EGFL6: variants seen among roughly 807,000 people sequenced by gnomAD.
EGFL6 encodes the protein EGF like domain multiple 6, also known as epidermal growth factor-like protein 6.
A neutral mutation model predicts 43.1 loss-of-function variants in EGFL6; 42 were observed. The ratio of observed to expected loss-of-function variants is 0.98; its 90% CI spans 0.76 to 1.26. The LOEUF (loss-of-function observed/expected upper bound fraction) is 1.26. Among genes scored for constraint, EGFL6 ranks in the 50% most tolerant of loss-of-function variants. The probability of loss-of-function intolerance (pLI) is 0.00; values close to 1 mark genes in which losing one functional copy is unlikely to be tolerated. For synonymous variants in EGFL6, 164 were observed against 163.2 expected (o/e 1.01, Z -0.04); for missense variants, 429 against 427.8 (o/e 1.00, Z -0.02).
At chrX:13,625,816 T>C (rs2045775758) in intron 10 of EGFL6, among the ~76,000 whole-genome samples, 1 of 104,423 alleles carries the variant, frequency 9.6e-6, no homozygotes, top group Non-Finnish European at 1.9e-5. Flanking sequence ...GGCCCAGGCA[T>C]TTGAGGCTAT....
At position 13,633,297 on chromosome X, in the gene EGFL6, C is replaced by A. The variant is rs975437120; in HGVS notation, c.*202C>A. 2.6e-5 allele frequency: 9 copies of A among 345,575 alleles called. No individual in the cohort carries two copies. The highest frequency in any genetic ancestry group is 2.5e-4 in the African/African-American group (9 of 36,472). 28.5% of individuals were successfully genotyped at this position (345,575 alleles called of 1,213,427 possible). The stretch of plus-strand genomic sequence containing the variant: ...TATCACTGTATCTTCTCAGTCATTT[C>A]TGAATCTTTCCACATTATATTATAA... On this transcript the variant is annotated 3_prime_UTR_variant, in exon 12 of 12. Transcript: ENST00000361306.
chrX:13,593,682 G>C (rs1346940941), intron 2 of EGFL6, among the ~76,000 whole-genome samples: 3 of 112,114 alleles, frequency 2.7e-5, no homozygotes, highest in East Asian at 5.6e-4. Context: ...GTTCCCATTA[G>C]CTAGATAGAT....
intron 3 of EGFL6, among the ~76,000 whole-genome samples, chrX:13,595,369 A>G (rs1271475377): frequency 8.9e-6 from 1 of 112,076 alleles, no homozygotes; most frequent in Non-Finnish European, 1.9e-5. Context: ...AGTTTTTACT[A>G]TAAGCATAGT....
chrX:13,621,426 T>C (rs1471651604), intron 9 of EGFL6, among the ~76,000 whole-genome samples: 1 of 111,926 alleles, frequency 8.9e-6, no homozygotes, highest in Non-Finnish European at 1.9e-5. Flanking sequence ...GATTCCTTGG[T>C]GCTCCTGGCC....
chrX:13,608,556 T>A, intron 7 of EGFL6, 110 bp downstream of exon 7: 1 of 928,507 alleles, frequency 1.1e-6, no homozygotes, highest in African/African-American at 1.9e-5. Flanking sequence ...GCCTTCTCCC[T>A]CTCCCTTACT....
chrX:13,616,185 A>G (rs2045716688), intron 7 of EGFL6, among the ~76,000 whole-genome samples: 1 of 112,474 alleles, frequency 8.9e-6, no homozygotes, highest in Admixed American at 9.4e-5. Flanking sequence ...CTGAATTATC[A>G]TGAGTATATC....
Position 13,569,694 on chromosome X carries a change from G to T in EGFL6, c.-168G>T. 4.5e-6 allele frequency: 2 copies of T among 448,848 alleles called. No homozygotes were observed. Among genetic ancestry groups the T allele is most frequent in the Non-Finnish European group, 3.6e-6 (1 of 274,473 alleles). The allele number at this position is 448,848 out of a possible 1,213,427, so 37.0% of individuals were successfully genotyped here. ...CCCAGGCCGCGAGCGCCCCTGCCGC[G>T]GTGCCTGGCCTCCCCTCCCAGACTG... On this transcript the variant is annotated 5_prime_UTR_variant, in exon 1 of 12. Coordinates refer to ENST00000361306, the MANE Select transcript of EGFL6 (RefSeq NM_015507.4).
At chrX:13,579,606 T>C (rs2045493940) in intron 1 of EGFL6, among the ~76,000 whole-genome samples, 1 of 111,895 alleles carries the variant, frequency 8.9e-6, no homozygotes, top group Non-Finnish European at 1.9e-5. Context: ...TTTGGATATA[T>C]ACCCAGAAAT....
At chrX:13,616,886 G>T (rs766958085) in intron 7 of EGFL6, among the ~76,000 whole-genome samples, 2 of 94,603 alleles carry the variant, frequency 2.1e-5, no homozygotes, top group African/African-American at 4.2e-5. Context: ...TTTTTGAGAC[G>T]GAGTCTCGCT....
chrX:13,594,366 T>C (rs2045584592), intron 2 of EGFL6, among the ~76,000 whole-genome samples: 1 of 112,076 alleles, frequency 8.9e-6, no homozygotes, highest in South Asian at 3.7e-4. Flanking sequence ...CTCATCATCA[T>C]CATGATGCTT....
chrX:13,613,018 G>A (rs766643435), intron 7 of EGFL6, among the ~76,000 whole-genome samples: 1,323 of 108,678 alleles, frequency 0.012, 17 homozygotes, highest in African/African-American at 0.042. Flanking sequence ...GGTGGTGTGC[G>A]CCTGTAGTCC....
At chrX:13,573,013 T>A (rs2045451320) in intron 1 of EGFL6, among the ~76,000 whole-genome samples, 1 of 112,156 alleles carries the variant, frequency 8.9e-6, no homozygotes, top group African/African-American at 3.2e-5. Context: ...ACAATATCTT[T>A]TTCCTTTGTC....
At chrX:13,608,276 C>T in intron 6 of EGFL6, 48 bp from the exon 7 acceptor site, 1 of 1,197,363 alleles carries the variant, frequency 8.4e-7, no homozygotes, top group Non-Finnish European at 1.1e-6. Flanking sequence ...GTGAGTCTTT[C>T]AGCAAGCTCT....
chrX:13,578,731 A>G (rs1050982999), intron 1 of EGFL6, among the ~76,000 whole-genome samples: 1 of 109,372 alleles, frequency 9.1e-6, no homozygotes, highest in African/African-American at 3.4e-5. Flanking sequence ...TTGAACAATG[A>G]GAACACTTGG....
At chrX:13,609,316 C>A (rs913343531) in intron 7 of EGFL6, among the ~76,000 whole-genome samples, 2 of 111,990 alleles carry the variant, frequency 1.8e-5, no homozygotes, top group African/African-American at 6.5e-5. Context: ...CTTCAAGGGA[C>A]AAAAATAATA....
intron 11 of EGFL6, among the ~76,000 whole-genome samples, chrX:13,629,877 A>T (rs2045801398): frequency 8.9e-6 from 1 of 111,826 alleles, no homozygotes; most frequent in Non-Finnish European, 1.9e-5. Context: ...GAAGGGGGCA[A>T]CACATCTTTA....
At position 13,569,914 on chromosome X, in the gene EGFL6, G is replaced by A; in HGVS notation, c.53G>A (p.Gly18Asp). The stretch of plus-strand genomic sequence containing the variant: ...CCGCTGCTGCTCTCCTGGGTGGCAG[G>A]TGGTTTCGGGAACGCGGCCAGGTGA... The part of the protein sequence containing the change: ...ALPLLLSWVA[G>D]GFGNAASARH... The change falls in exon 1 of 12, where the codon GGT becomes GAT. Residue 18 changes from glycine (G) to aspartate (D), a missense_variant. Transcript: ENST00000361306. 1.7e-6 allele frequency: 2 copies of A among 1,211,937 alleles called. No homozygotes were observed. The highest frequency in any genetic ancestry group is 3.5e-5 in the South Asian group (2 of 57,006).
intron 4 of EGFL6, 58 bp downstream of exon 4, chrX:13,600,152 T>C (rs758505656): frequency 1.2e-4 from 140 of 1,138,295 alleles, no homozygotes; most frequent in Middle Eastern, 2.5e-4. Flanking sequence ...CTTTTGCCAT[T>C]TGATGCTTGG....
rs750400045 is a variant in EGFL6, at chrX:13,569,828, G to C, written c.-34G>C. ...GGTCCGGCCGGCGCCCTCCCGAGGGGGGCTCAGGAGGAGGAAGGAGGACCC... is the reference window on the plus strand; with the variant it reads ...GGTCCGGCCGGCGCCCTCCCGAGGGCGGCTCAGGAGGAGGAAGGAGGACCC... On this transcript the variant is annotated 5_prime_UTR_variant, in exon 1 of 12. Transcript: ENST00000361306. 1.0e-5 allele frequency: 12 copies of C among 1,197,805 alleles called. No homozygotes were observed. Among genetic ancestry groups the C allele is most frequent in the Non-Finnish European group, 1.4e-5 (12 of 883,912 alleles).
Sources: allele counts gnomAD v4.1 joint callset (sites outside exome capture counted in the v4.1 genomes callset), GRCh38; gene constraint gnomAD v4.1.1; transcripts MANE v1.5; gene names NCBI Gene and HGNC (gene_info 2026-07-23, HGNC 2026-07-21).